Variants in DOCK5 observed in about 807,000 individuals in gnomAD.
DOCK5 encodes dedicator of cytokinesis protein 5.
DOCK5 carries 142 observed loss-of-function variants against 251.8 expected under a neutral mutation model. The observed-to-expected ratio is 0.56, with a 90% CI of 0.49 to 0.65. The LOEUF (loss-of-function observed/expected upper bound fraction) is 0.65, where lower values mean the gene tolerates loss of function less well. DOCK5 is among the 30% of genes least tolerant of loss of function. The pLI is 0.00. For synonymous variants in DOCK5, 842 were observed against 835.5 expected (o/e 1.01, Z -0.13); for missense variants, 2,111 against 2,312.3 (o/e 0.91, Z 1.79).
At chr8:25,355,964 G>T (rs961249396) in intron 27 of DOCK5, among the ~76,000 whole-genome samples, 1 of 149,614 alleles carries the variant, frequency 6.7e-6, no homozygotes, top group Non-Finnish European at 1.5e-5. Flanking sequence ...AGGCTGAGGC[G>T]GGCAGATCAT....
intron 1 of DOCK5, among the ~76,000 whole-genome samples, chr8:25,241,212 C>A (rs984719521): frequency 6.6e-6 from 1 of 152,174 alleles, no homozygotes; most frequent in East Asian, 1.9e-4. Context: ...CACGGTGGCT[C>A]ACGCCTGTAA....
chr8:25,410,009 T>C, intron 50 of DOCK5, 90 bp from the exon 51 acceptor site: 2 of 1,051,644 alleles, frequency 1.9e-6, no homozygotes, highest in Non-Finnish European at 2.8e-6. Context: ...GTTGACCAGG[T>C]TGGCTTAGGT....
At chr8:25,244,350 G>C (rs887993668) in intron 2 of DOCK5, among the ~76,000 whole-genome samples, 2 of 152,192 alleles carry the variant, frequency 1.3e-5, no homozygotes, top group African/African-American at 4.8e-5. Context: ...GGTCATGTCT[G>C]TACCCACTCC....
At chr8:25,322,459 C>A (rs1805449517) in intron 16 of DOCK5, among the ~76,000 whole-genome samples, 2 of 152,120 alleles carry the variant, frequency 1.3e-5, no homozygotes, top group South Asian at 4.2e-4. Context: ...ATGGCTAAAG[C>A]AGGACCAGTG....
intron 8 of DOCK5, among the ~76,000 whole-genome samples, chr8:25,299,859 A>T (rs192885501): frequency 0.014 from 2,202 of 152,334 alleles, 27 homozygotes; most frequent in Middle Eastern, 0.024. Flanking sequence ...GTTTCTTTAA[A>T]AAAAATTTTT....
intron 5 of DOCK5, among the ~76,000 whole-genome samples, chr8:25,290,914 A>T (rs981706805): frequency 1.3e-5 from 2 of 152,202 alleles, no homozygotes; most frequent in Non-Finnish European, 2.9e-5. Flanking sequence ...CAGAATTACC[A>T]GTTGGCAGAG....
intron 1 of DOCK5, among the ~76,000 whole-genome samples, chr8:25,189,536 T>C (rs1000761043): frequency 6.6e-6 from 1 of 152,094 alleles, no homozygotes; most frequent in African/African-American, 2.4e-5. Flanking sequence ...GATTTTTGTA[T>C]TTTTTGTAGG....
chr8:25,190,515 C>A (rs1009092194), intron 1 of DOCK5, among the ~76,000 whole-genome samples: 2 of 152,044 alleles, frequency 1.3e-5, no homozygotes, highest in Non-Finnish European at 2.9e-5. Context: ...AGTGCAATTG[C>A]GGTTTATTGG....
At chr8:25,382,866 C>A in intron 40 of DOCK5, 88 bp downstream of exon 40, 2 of 1,087,960 alleles carry the variant, frequency 1.8e-6, no homozygotes, top group East Asian at 2.6e-5. Flanking sequence ...GTGTTAGCAG[C>A]TGCCGACCCG....
At chr8:25,369,151 CT>C (rs1800829215) in intron 33 of DOCK5, among the ~76,000 whole-genome samples, 1 of 152,202 alleles carries the variant, frequency 6.6e-6, no homozygotes. Flanking sequence ...CTCTGTGCCT[CT>C]GTTTTCTTAT....
chr8:25,400,152 C>T (rs951621170), intron 46 of DOCK5, among the ~76,000 whole-genome samples, 158 bp downstream of exon 46: 2 of 152,030 alleles, frequency 1.3e-5, no homozygotes, highest in African/African-American at 4.8e-5. Context: ...TTTGCTCGGC[C>T]GGCAGTTAAA....
At chr8:25,397,254 C>G (rs1015594330) in intron 45 of DOCK5, among the ~76,000 whole-genome samples, 1 of 151,850 alleles carries the variant, frequency 6.6e-6, no homozygotes, top group Non-Finnish European at 1.5e-5. Context: ...GCCTGACTCA[C>G]AAGATAGATC....
intron 27 of DOCK5, among the ~76,000 whole-genome samples, chr8:25,356,174 TG>T (rs1213189547): frequency 2.0e-5 from 3 of 152,238 alleles, no homozygotes; most frequent in Non-Finnish European, 2.9e-5. Context: ...CACTCCAGCC[TG>T]GTGACAGAGC....
At chr8:25,352,105 C>T (rs1449688456) in intron 27 of DOCK5, among the ~76,000 whole-genome samples, 2 of 151,346 alleles carry the variant, frequency 1.3e-5, no homozygotes, top group Admixed American at 1.3e-4. Flanking sequence ...TGCAGCTACT[C>T]AGGAGGCTAA....
intron 4 of DOCK5, 21 bp from the exon 5 acceptor site, chr8:25,278,548 C>T (rs1804106574): frequency 6.2e-7 from 1 of 1,612,238 alleles, no homozygotes; most frequent in South Asian, 1.1e-5. Flanking sequence ...AAGAAAGTGA[C>T]CCTCGTTTGG....
At chr8:25,323,706 G>A (rs529128315) in intron 16 of DOCK5, 142 bp from the exon 17 acceptor site, 64 of 835,080 alleles carry the variant, frequency 7.7e-5, no homozygotes, top group African/African-American at 1.0e-4. Flanking sequence ...CACATGGTAC[G>A]TGGCTTATTG....
At chr8:25,365,825 C>T (rs1337861094) in intron 30 of DOCK5, among the ~76,000 whole-genome samples, 1 of 152,156 alleles carries the variant, frequency 6.6e-6, no homozygotes, top group Non-Finnish European at 1.5e-5. Context: ...TGCCTCCAGG[C>T]CCTGTTTTCC....
At chr8:25,377,566 A>G in intron 38 of DOCK5, 142 bp downstream of exon 38, 1 of 1,128,160 alleles carries the variant, frequency 8.9e-7, no homozygotes, top group Non-Finnish European at 1.2e-6. Context: ...CCCCCGCTTC[A>G]GATGCCATCT....
intron 26 of DOCK5, among the ~76,000 whole-genome samples, chr8:25,346,105 C>T (rs1563209945): frequency 1.3e-5 from 2 of 152,120 alleles, no homozygotes; most frequent in Non-Finnish European, 2.9e-5. Context: ...CCATCTCGGC[C>T]TCCCAAAGTG....
Sources: gnomAD v4.1 joint callset for allele counts (sites outside exome capture counted in the v4.1 genomes callset) on GRCh38, gnomAD v4.1.1 for gene constraint, MANE v1.5 for transcripts, NCBI Gene and HGNC (gene_info 2026-07-23, HGNC 2026-07-21) for gene names.